MAD1L1: variants seen among roughly 807,000 people sequenced by gnomAD.
The protein encoded by MAD1L1 is mitotic arrest deficient 1 like 1.
Under a neutral mutation model 96.9 loss-of-function variants are expected in MAD1L1, and 95 were observed. The observed-to-expected ratio is 0.98, with a 90% CI of 0.83 to 1.16. The LOEUF is 1.16. MAD1L1 is among the 50% of genes most tolerant of loss of function. The pLI is 0.00. For missense variants in MAD1L1, 1,007 were observed against 954.4 expected (o/e 1.06, Z -0.73); for synonymous variants, 473 against 396.6 (o/e 1.19, Z -2.29).
intron 16 of MAD1L1, among the ~76,000 whole-genome samples, chr7:1,947,293 G>T (rs922470457): frequency 1.3e-5 from 2 of 152,252 alleles, no homozygotes; most frequent in African/African-American, 2.4e-5. Context: ...AATACTTGGG[G>T]AGGGAGGCGC....
chr7:1,899,308 C>T (rs891983116), intron 17 of MAD1L1, among the ~76,000 whole-genome samples: 1 of 152,342 alleles, frequency 6.6e-6, no homozygotes, highest in Non-Finnish European at 1.5e-5. Flanking sequence ...CACACAGAGC[C>T]GTCCCCTAGG....
rs527659638 is a variant in MAD1L1, at chr7:1,818,891, G to A, written c.1999-2663C>T. Among the ~76,000 whole-genome samples, 15 of 152,084 alleles carry A rather than the reference G, an allele frequency of 9.9e-5. No individual in the cohort carries two copies. The East Asian group carries it at 2.9e-3, about 29-fold the overall frequency. ...TGGGGGTGGACGGAGACAGGCAGGA[G>A]TAACCAGTGCTACTCTCCCAGCTCA... On this transcript the variant is annotated intron_variant, in intron 18 of 18. Coordinates refer to ENST00000265854, the MANE Select transcript of MAD1L1 (RefSeq NM_001013836.2).
chr7:1,899,226 C>T (rs1787092068), intron 17 of MAD1L1, among the ~76,000 whole-genome samples: 1 of 152,200 alleles, frequency 6.6e-6, no homozygotes, highest in Non-Finnish European at 1.5e-5. Flanking sequence ...ATTTCTCACC[C>T]GAGAGGCCTT....
intron 13 of MAD1L1, among the ~76,000 whole-genome samples, chr7:2,009,244 T>TA (rs1017828617): frequency 1.3e-5 from 2 of 152,160 alleles, no homozygotes; most frequent in Non-Finnish European, 2.9e-5. Flanking sequence ...TTGCTGCCTG[T>TA]GATCCAACAC....
At chr7:2,085,127 C>T (rs1354968916) in intron 11 of MAD1L1, among the ~76,000 whole-genome samples, 3 of 152,194 alleles carry the variant, frequency 2.0e-5, no homozygotes, top group African/African-American at 2.4e-5. Context: ...CTACACTGTT[C>T]GTTACTGCAG....
At chr7:2,016,276 G>T (rs1782534961) in intron 12 of MAD1L1, among the ~76,000 whole-genome samples, 1 of 152,190 alleles carries the variant, frequency 6.6e-6, no homozygotes, top group African/African-American at 2.4e-5. Context: ...ACCTCATTGA[G>T]TTGTGGCCAG....
At chr7:2,223,778 G>A (rs1446076911) in intron 4 of MAD1L1, 1 of 152,276 alleles carries the variant, frequency 6.6e-6, no homozygotes, top group Non-Finnish European at 1.5e-5. Flanking sequence ...CACCGGGCCT[G>A]GAACTGCCAG....
intron 11 of MAD1L1, among the ~76,000 whole-genome samples, chr7:2,105,635 A>C (rs1219785292): frequency 6.6e-6 from 1 of 152,104 alleles, no homozygotes; most frequent in Non-Finnish European, 1.5e-5. Flanking sequence ...CGCACTGTGA[A>C]GGTTCTGAGG....
chr7:2,223,994 T>G (rs577430533), intron 4 of MAD1L1, among the ~76,000 whole-genome samples: 107 of 152,194 alleles, frequency 7.0e-4, no homozygotes, highest in African/African-American at 2.4e-3. Flanking sequence ...GAGCCCCAGG[T>G]GTAAGCCCAG....
chr7:2,097,520 G>A (rs1319699756), intron 11 of MAD1L1, among the ~76,000 whole-genome samples: 4 of 152,178 alleles, frequency 2.6e-5, no homozygotes, highest in Admixed American at 6.5e-5. Flanking sequence ...CAATGGGTCC[G>A]AGAATGCCAA....
intron 11 of MAD1L1, among the ~76,000 whole-genome samples, chr7:2,147,343 T>C (rs1789359880): frequency 6.6e-6 from 1 of 152,164 alleles, no homozygotes; most frequent in South Asian, 2.1e-4. Flanking sequence ...GGGAAGCGTC[T>C]CCAGCGCTCC....
intron 18 of MAD1L1, among the ~76,000 whole-genome samples, chr7:1,870,268 T>C (rs1349628336): frequency 1.3e-5 from 2 of 149,198 alleles, no homozygotes; most frequent in South Asian, 2.1e-4. Flanking sequence ...GAACCCAACA[T>C]ATGCCTGCCA....
chr7:2,133,439 G>T (rs577280576), intron 11 of MAD1L1, among the ~76,000 whole-genome samples: 1 of 152,242 alleles, frequency 6.6e-6, no homozygotes, highest in African/African-American at 2.4e-5. Context: ...GTATAATTTG[G>T]ATAACAGCCC....
intron 10 of MAD1L1, among the ~76,000 whole-genome samples, chr7:2,198,569 G>A (rs749662688): frequency 6.6e-6 from 1 of 152,214 alleles, no homozygotes; most frequent in Non-Finnish European, 1.5e-5. Context: ...TCTGCGGCAC[G>A]AGGCTTTCAA....
chr7:1,882,486 G>A (rs912334984), intron 18 of MAD1L1, among the ~76,000 whole-genome samples: 9 of 152,328 alleles, frequency 5.9e-5, no homozygotes, highest in Non-Finnish European at 7.3e-5. Context: ...GAGGGAAGGG[G>A]TGAGGGGCGC....
At chr7:1,995,559 G>A (rs911880081) in intron 14 of MAD1L1, among the ~76,000 whole-genome samples, 2 of 152,136 alleles carry the variant, frequency 1.3e-5, no homozygotes, top group South Asian at 2.1e-4. Flanking sequence ...CAGGCGGGGG[G>A]CCCAGGAGAG....
At chr7:2,070,490 G>C (rs1785072475) in intron 11 of MAD1L1, among the ~76,000 whole-genome samples, 1 of 152,216 alleles carries the variant, frequency 6.6e-6, no homozygotes, top group African/African-American at 2.4e-5. Context: ...AGGTACGAGA[G>C]CTCTCCCAGG....
chr7:2,177,999 C>G (rs1369234067), intron 10 of MAD1L1, among the ~76,000 whole-genome samples: 2 of 152,176 alleles, frequency 1.3e-5, no homozygotes, highest in Non-Finnish European at 2.9e-5. Context: ...GCAATGGTTT[C>G]ATGAGTTTAT....
chr7:2,230,099 G>C lies in MAD1L1; in HGVS notation c.35C>G (p.Ser12Cys). The change falls in exon 3 of 19, where the codon TCC (serine) becomes TGC (cysteine). Residue 12 changes from serine to cysteine, a missense_variant. Ser to Cys is a moderately radical substitution (Grantham distance 112, BLOSUM62 -1). Transcript: ENST00000265854. ...EDLGENTMVL[S>C]TLRSLNNFIS... ...GAAGTTGTTCAAAGATCTCAGGGTG[G>C]ATAAAACCATGGTGTTTTCCCCCAG... is the stretch of plus-strand genomic sequence containing the variant. 6.2e-7 allele frequency: 1 copy of C among 1,607,210 alleles called. No individual in the cohort carries two copies. The highest frequency in any genetic ancestry group is 8.5e-7 in the Non-Finnish European group (1 of 1,176,720).
Sources: allele counts gnomAD v4.1 joint callset (sites outside exome capture counted in the v4.1 genomes callset), GRCh38; gene constraint gnomAD v4.1.1; transcripts MANE v1.5; gene names NCBI Gene and HGNC (gene_info 2026-07-23, HGNC 2026-07-21).